The following EPSTI1 variants were observed in gnomAD, a reference collection of about 807,000 sequenced individuals.
EPSTI1 encodes the protein epithelial-stromal interaction protein 1.
EPSTI1 carries 66 observed loss-of-function variants against 49.9 expected under a neutral mutation model. The observed-to-expected ratio is 1.32, with a 90% CI of 1.08 to 1.62. The LOEUF (loss-of-function observed/expected upper bound fraction) is 1.62. EPSTI1 is among the 40% of genes most tolerant of loss of function. The pLI is 0.00. For missense variants in EPSTI1, 394 were observed against 365.5 expected, an observed-to-expected ratio of 1.08 and a Z score of -0.64; for synonymous variants, 137 against 130.7, an observed-to-expected ratio of 1.05 and a Z score of -0.33.
At chr13:42,954,053 T>C in intron 5 of EPSTI1, 32 bp from the exon 6 acceptor site, 1 of 1,572,150 alleles carries the variant, frequency 6.4e-7, no homozygotes, top group Non-Finnish European at 8.7e-7. Context: ...CATAACTTAT[T>C]AAAGATGCTT....
intron 10 of EPSTI1, chr13:42,889,197 T>A (rs753276401): frequency 2.5e-6 from 4 of 1,573,234 alleles, no homozygotes; most frequent in Non-Finnish European, 3.4e-6. Context: ...AAGGGATGTT[T>A]TTAAGTGACC....
At chr13:42,906,652 G>A (rs576110857) in intron 8 of EPSTI1, among the ~76,000 whole-genome samples, 7 of 152,210 alleles carry the variant, frequency 4.6e-5, no homozygotes, top group African/African-American at 1.7e-4. Flanking sequence ...CTGGTTCTCC[G>A]GCATCCACAG....
intron 8 of EPSTI1, among the ~76,000 whole-genome samples, chr13:42,904,379 A>G (rs2037440687): frequency 6.6e-6 from 1 of 152,234 alleles, no homozygotes; most frequent in Admixed American, 6.5e-5. Context: ...TCAAAGAAAT[A>G]TTAAAACGAT....
chr13:42,888,127 T>C lies in EPSTI1; in HGVS notation c.*367A>G. On this transcript the variant is annotated 3_prime_UTR_variant, in exon 11 of 11. Transcript: ENST00000313624. Reference sequence around the variant, plus strand: ...AAGCTTTCAAAACCTGATCTGAGAATTAGATAAGAATATGTCACTTAGAAA... The same window carrying C: ...AAGCTTTCAAAACCTGATCTGAGAACTAGATAAGAATATGTCACTTAGAAA... The C allele has an allele frequency of 8.5e-7, 1 of 1,173,800 alleles. No individual in the cohort carries two copies. Among genetic ancestry groups the C allele is most frequent in the Admixed American group, 2.4e-5 (1 of 41,316 alleles). The allele number at this position is 1,173,800 out of a possible 1,614,324, so 72.7% of individuals were successfully genotyped here.
At chr13:42,898,781 T>C (rs1358388265) in intron 9 of EPSTI1, among the ~76,000 whole-genome samples, 1 of 152,224 alleles carries the variant, frequency 6.6e-6, no homozygotes, top group Admixed American at 6.5e-5. Context: ...CACATCACTG[T>C]GTTTAAGATG....
intron 8 of EPSTI1, among the ~76,000 whole-genome samples, chr13:42,911,232 GGA>G (rs1310125287): frequency 1.4e-5 from 2 of 142,472 alleles, no homozygotes; most frequent in African/African-American, 2.6e-5. Flanking sequence ...AGAGAGGGAG[GGA>G]GAGAGAGAGA....
chr13:42,942,431 TTA>T (rs1176957091), intron 6 of EPSTI1, among the ~76,000 whole-genome samples: 1 of 152,096 alleles, frequency 6.6e-6, no homozygotes, highest in African/African-American at 2.4e-5. Context: ...TGTATTATAC[TTA>T]TATGTTTTTG....
chr13:42,951,754 A>G (rs1198170541), intron 6 of EPSTI1, among the ~76,000 whole-genome samples: 1 of 152,230 alleles, frequency 6.6e-6, no homozygotes, highest in East Asian at 1.9e-4. Context: ...CCATTCAACT[A>G]TCCAGTCCTG....
chr13:42,916,036 T>C (rs1279540417), intron 8 of EPSTI1, among the ~76,000 whole-genome samples: 1 of 152,136 alleles, frequency 6.6e-6, no homozygotes, highest in Non-Finnish European at 1.5e-5. Flanking sequence ...TATCTACAAC[T>C]GACTTTGCAA....
At chr13:42,942,312 C>A (rs1331853183) in intron 6 of EPSTI1, among the ~76,000 whole-genome samples, 2 of 152,010 alleles carry the variant, frequency 1.3e-5, no homozygotes, top group Non-Finnish European at 2.9e-5. Context: ...TTTGTGAATG[C>A]TGACTTATTG....
chr13:42,969,658 C>G (rs777271077), intron 2 of EPSTI1: 1 of 170,506 alleles, frequency 5.9e-6, no homozygotes, highest in African/African-American at 2.4e-5. Context: ...CTCGGTGCTA[C>G]AGGTGGAGAC....
intron 1 of EPSTI1, among the ~76,000 whole-genome samples, chr13:42,976,983 G>C (rs2039893990): frequency 1.3e-5 from 2 of 152,118 alleles, no homozygotes; most frequent in Admixed American, 1.3e-4. Context: ...AATTCTCAAT[G>C]GCTATGTAGT....
intron 6 of EPSTI1, among the ~76,000 whole-genome samples, chr13:42,942,954 C>G (rs1446054049): frequency 6.6e-6 from 1 of 152,112 alleles, no homozygotes; most frequent in African/African-American, 2.4e-5. Flanking sequence ...TCCCAAAGTG[C>G]TGGGATTACA....
chr13:42,930,463 G>A (rs1004859673), intron 6 of EPSTI1, among the ~76,000 whole-genome samples: 5 of 152,230 alleles, frequency 3.3e-5, no homozygotes, highest in Admixed American at 6.5e-5. Context: ...CACTCACAGA[G>A]CCTATGTAAG....
intron 3 of EPSTI1, among the ~76,000 whole-genome samples, chr13:42,964,408 T>C (rs2039548102): frequency 6.6e-6 from 1 of 152,168 alleles, no homozygotes; most frequent in Admixed American, 6.5e-5. Context: ...TATTAAAGTT[T>C]TCACTTGGAT....
chr13:42,899,297 AC>A (rs1478237074), intron 9 of EPSTI1, among the ~76,000 whole-genome samples: 2 of 152,084 alleles, frequency 1.3e-5, no homozygotes, highest in East Asian at 3.9e-4. Context: ...ATGCTTCCCC[AC>A]CACCATCTTA....
At chr13:42,900,199 G>T in intron 9 of EPSTI1, 111 bp downstream of exon 9, 1 of 938,594 alleles carries the variant, frequency 1.1e-6, no homozygotes, top group Non-Finnish European at 1.7e-6. Context: ...AAGGTAACAC[G>T]CATTCCAAAA....
At chr13:42,890,561 G>A (rs899255561) in intron 10 of EPSTI1, among the ~76,000 whole-genome samples, 2 of 152,078 alleles carry the variant, frequency 1.3e-5, no homozygotes, top group African/African-American at 4.8e-5. Flanking sequence ...GCCTCCCAAT[G>A]TGGTGGGATT....
At chr13:42,967,420 C>A (rs2039652146) in intron 3 of EPSTI1, among the ~76,000 whole-genome samples, 2 of 152,060 alleles carry the variant, frequency 1.3e-5, no homozygotes, top group Admixed American at 1.3e-4. Flanking sequence ...GTCCATTGGC[C>A]ACTGAGATGA....
Sources: gnomAD v4.1 joint callset for allele counts (sites outside exome capture counted in the v4.1 genomes callset) on GRCh38, gnomAD v4.1.1 for gene constraint, MANE v1.5 for transcripts, NCBI Gene and HGNC (gene_info 2026-07-23, HGNC 2026-07-21) for gene names.